SPRR1B: variants seen among roughly 807,000 people sequenced by gnomAD.
SPRR1B encodes the protein cornifin-B.
A neutral mutation model predicts 1.2 loss-of-function variants in SPRR1B; 1 was observed. The observed-to-expected ratio is 0.82, with a 90% CI of 0.29 to 3.89. The LOEUF (loss-of-function observed/expected upper bound fraction) is 3.89. Ranked by LOEUF, SPRR1B falls within the 30% of genes most tolerant of loss-of-function variation. SPRR1B has a pLI of 0.18. For synonymous variants in SPRR1B, 37 were observed against 38.3 expected, an observed-to-expected ratio of 0.97 and a Z score of 0.13; for missense variants, 102 against 106.0, an observed-to-expected ratio of 0.96 and a Z score of 0.17.
rs771988345 is a variant in SPRR1B, at chr1:153,032,516, C to G, written c.171C>G (p.Cys57Trp). The part of the protein sequence containing the change: ...EPCHPKVPEP[C>W]QPKVPEPCHP... ...GCCACCCCAAAGTGCCCGAGCCCTGCCAGCCCAAGGTTCCAGAGCCATGCC... is the reference window on the plus strand; with the variant it reads ...GCCACCCCAAAGTGCCCGAGCCCTGGCAGCCCAAGGTTCCAGAGCCATGCC... The change falls in exon 2 of 2, where the codon TGC (cysteine) becomes TGG (tryptophan). Residue 57 changes from cysteine (C) to tryptophan (W), a missense_variant. Transcript: ENST00000307098. 6.7e-7 allele frequency: 1 copy of G among 1,493,988 alleles called. No homozygotes were observed. Among genetic ancestry groups the G allele is most frequent in the African/African-American group, 1.4e-5 (1 of 72,924 alleles). 92.5% of individuals were successfully genotyped at this position (1,493,988 alleles called of 1,614,324 possible). A position where few individuals can be genotyped will look rare whatever the true frequency, so the allele number is the denominator to read the frequency against.
At position 153,032,536 on chromosome 1, in the gene SPRR1B, C is replaced by T; in HGVS notation, c.191C>T (p.Pro64Leu). The part of the protein sequence containing the change: ...PEPCQPKVPE[P>L]CHPKVPEPCP... ...CCCTGCCAGCCCAAGGTTCCAGAGC[C>T]ATGCCACCCCAAGGTGCCTGAGCCC... The change falls in exon 2 of 2, where the codon CCA (proline) becomes CTA (leucine). Residue 64 changes from proline to leucine, a missense_variant. Transcript: ENST00000307098. 8 of 1,495,802 alleles carry T rather than the reference C, an allele frequency of 5.3e-6. No individual in the cohort carries two copies. Among genetic ancestry groups the T allele is most frequent in the Non-Finnish European group, 7.4e-6 (8 of 1,085,168 alleles). The allele number at this position is 1,495,802 out of a possible 1,614,324, so 92.7% of individuals were successfully genotyped here. A position where few individuals can be genotyped will look rare whatever the true frequency, so the allele number is the denominator to read the frequency against.
chr1:153,032,027 GT>G (rs5777841), intron 1 of SPRR1B, among the ~76,000 whole-genome samples: 74,327 of 150,466 alleles, frequency 0.49, 18,369 homozygotes, highest in East Asian at 0.62. Flanking sequence ...ATTTGTTAGG[GT>G]TTTTTTTTTC....
chr1:153,032,272 T>A, intron 1 of SPRR1B, 55 bp from the exon 2 acceptor site: 1 of 1,543,846 alleles, frequency 6.5e-7, no homozygotes, highest in Non-Finnish European at 8.8e-7. Flanking sequence ...GAAGTGGTAT[T>A]CACCATGGCT....
At chr1:153,032,075 A>T (rs1478107786) in intron 1 of SPRR1B, among the ~76,000 whole-genome samples, 1 of 152,032 alleles carries the variant, frequency 6.6e-6, no homozygotes, top group Non-Finnish European at 1.5e-5. Context: ...CAGTATTATG[A>T]GTCTCATATT....
Position 153,032,456 on chromosome 1 carries a change from C to T in SPRR1B, c.111C>T (p.Thr37=). The T allele has an allele frequency of 1.2e-6, 2 of 1,613,970 alleles. No individual in the cohort carries two copies. The highest frequency in any genetic ancestry group is 1.7e-6 in the Non-Finnish European group (2 of 1,180,000). ...CTCAGGAACCATGCATCCCCAAAAC[C>T]AAGGAGCCCTGCCACCCCAAGGTGC... The part of the protein sequence containing the change: ...PPPQEPCIPK[T]KEPCHPKVPE... The change falls in exon 2 of 2, where the codon ACC becomes ACT. Residue 37 remains threonine (T), a synonymous_variant. Transcript: ENST00000307098.
chr1:153,031,913 C>T (rs996768358), intron 1 of SPRR1B, among the ~76,000 whole-genome samples: 2 of 152,152 alleles, frequency 1.3e-5, no homozygotes, highest in African/African-American at 2.4e-5. Context: ...CAGAGGAGAA[C>T]TTGAGCCAGG....
At chr1:153,031,948 C>G (rs989114123) in intron 1 of SPRR1B, among the ~76,000 whole-genome samples, 2 of 152,086 alleles carry the variant, frequency 1.3e-5, no homozygotes, top group African/African-American at 4.8e-5. Context: ...GCTTGGGGTT[C>G]TAGAGAGGTC....
intron 1 of SPRR1B, among the ~76,000 whole-genome samples, chr1:153,031,887 A>C (rs1653718350): frequency 6.6e-6 from 1 of 152,152 alleles, no homozygotes; most frequent in Non-Finnish European, 1.5e-5. Flanking sequence ...AGTAGGAACA[A>C]GGAAAACATT....
At chr1:153,032,281 C>T in intron 1 of SPRR1B, 46 bp from the exon 2 acceptor site, 1 of 1,560,038 alleles carries the variant, frequency 6.4e-7, no homozygotes, top group Non-Finnish European at 8.7e-7. Flanking sequence ...TTCACCATGG[C>T]TTCTTCCCTA....
chr1:153,032,577 A>G lies in SPRR1B; in HGVS notation c.232A>G (p.Thr78Ala), dbSNP rs1653744270. 6.2e-7 allele frequency: 1 copy of G among 1,613,158 alleles called. No individual in the cohort carries two copies. The highest frequency in any genetic ancestry group is 8.5e-7 in the Non-Finnish European group (1 of 1,179,828). ...KVPEPCPSIV[T>A]PAPAQQKTKQ... ...GCCTGAGCCCTGCCCTTCAATAGTC[A>G]CTCCAGCACCAGCCCAGCAGAAGAC... The change falls in exon 2 of 2, where the codon ACT becomes GCT. Residue 78 changes from threonine to alanine, a missense_variant. Physicochemically the swap from Thr to Ala is moderately conservative, Grantham distance 58 (BLOSUM62 0). Coordinates refer to ENST00000307098, the MANE Select transcript of SPRR1B (RefSeq NM_003125.3).
chr1:153,032,021 G>A (rs928931823), intron 1 of SPRR1B, among the ~76,000 whole-genome samples: 2 of 120,132 alleles, frequency 1.7e-5, no homozygotes, highest in Admixed American at 1.6e-4. Flanking sequence ...GATTTAATTT[G>A]TTAGGGTTTT....
Position 153,032,505 on chromosome 1 carries a change from C to T in SPRR1B, c.160C>T (p.Pro54Ser), listed in dbSNP as rs757153816. Residue 54 changes from proline (P) to serine (S), a missense_variant, in exon 2 of 2, where the codon CCC becomes TCC. By Grantham distance (74) the Pro-to-Ser change is moderately conservative (BLOSUM62 -1). Transcript: ENST00000307098. ...KVPEPCHPKV[P>S]EPCQPKVPEP... ...GCCTGAGCCCTGCCACCCCAAAGTG[C>T]CCGAGCCCTGCCAGCCCAAGGTTCC... 2.3e-5 allele frequency: 34 copies of T among 1,492,892 alleles called. 2 individuals are homozygous for T. The South Asian group carries it at 3.9e-4, about 17-fold the overall frequency. The allele number at this position is 1,492,892 out of a possible 1,614,324, so 92.5% of individuals were successfully genotyped here.
At chr1:153,031,485 G>A (rs1653705889) in intron 1 of SPRR1B, among the ~76,000 whole-genome samples, 1 of 152,210 alleles carries the variant, frequency 6.6e-6, no homozygotes, top group Admixed American at 6.5e-5. Flanking sequence ...GTGTCAGCAA[G>A]AAGGGGGTTG....
chr1:153,032,867 C>T lies in SPRR1B; in HGVS notation c.*252C>T. The T allele has an allele frequency of 1.6e-6, 1 of 617,346 alleles. No individual in the cohort carries two copies. Among genetic ancestry groups the T allele is most frequent in the East Asian group, 2.9e-5 (1 of 34,276 alleles). 38.2% of individuals were successfully genotyped at this position (617,346 alleles called of 1,614,324 possible). ...AAGATGAAAGCAAATGATTCAGCTC[C>T]CTTATACCCCCATTAAATTCACTTT... On this transcript the variant is annotated 3_prime_UTR_variant, in exon 2 of 2. Coordinates refer to ENST00000307098, the MANE Select transcript of SPRR1B (RefSeq NM_003125.3).
intron 1 of SPRR1B, among the ~76,000 whole-genome samples, chr1:153,031,787 G>T (rs1242796692): frequency 6.6e-6 from 1 of 152,174 alleles, no homozygotes; most frequent in Non-Finnish European, 1.5e-5. Flanking sequence ...GACAGTTTGG[G>T]AATAGAGAGA....
chr1:153,032,322 T>C lies in SPRR1B; in HGVS notation c.-19-5T>C. 1 of 1,610,706 alleles carries C rather than the reference T, an allele frequency of 6.2e-7. No individual in the cohort carries two copies. The highest frequency in any genetic ancestry group is 1.1e-5 in the South Asian group (1 of 90,438). ...CTCTGCTTAAATCATCTGTTCTGTG[T>C]CCAGGACCAGTCACTGTTGCAGCAT... On this transcript the variant is annotated splice_polypyrimidine_tract_variant and splice_region_variant and intron_variant, in intron 1 of 1. Transcript: ENST00000307098.
Position 153,032,480 on chromosome 1 carries a change from G to A in SPRR1B, c.135G>A (p.Val45=), listed in dbSNP as rs750725055. 2.7e-6 allele frequency: 4 copies of A among 1,496,124 alleles called. No homozygotes were observed. The South Asian group carries it at 4.7e-5, about 18-fold the overall frequency. 92.7% of individuals were successfully genotyped at this position (1,496,124 alleles called of 1,614,324 possible). The part of the protein sequence containing the change: ...PKTKEPCHPK[V]PEPCHPKVPE... ...CCAAGGAGCCCTGCCACCCCAAGGT[G>A]CCTGAGCCCTGCCACCCCAAAGTGC... The change falls in exon 2 of 2, where the codon GTG becomes GTA. Residue 45 remains valine, a synonymous_variant. Transcript: ENST00000307098.
intron 1 of SPRR1B, among the ~76,000 whole-genome samples, chr1:153,031,587 T>C (rs1221990550): frequency 1.3e-5 from 2 of 152,224 alleles, no homozygotes; most frequent in Non-Finnish European, 2.9e-5. Flanking sequence ...TTCCTTCTTA[T>C]TTATAATTTT....
intron 1 of SPRR1B, among the ~76,000 whole-genome samples, chr1:153,031,731 G>C (rs975423942): frequency 2.0e-5 from 3 of 152,210 alleles, no homozygotes; most frequent in Non-Finnish European, 4.4e-5. Context: ...AAAATGCATT[G>C]TATAACAGTA....
Sources: gnomAD v4.1 joint callset for allele counts (sites outside exome capture counted in the v4.1 genomes callset) on GRCh38, gnomAD v4.1.1 for gene constraint, MANE v1.5 for transcripts, NCBI Gene and HGNC (gene_info 2026-07-23, HGNC 2026-07-21) for gene names.